The following MIER1 variants were observed in gnomAD, a reference collection of about 807,000 sequenced individuals.
The protein encoded by MIER1 is mesoderm induction early response protein 1.
Under a neutral mutation model 75.7 loss-of-function variants are expected in MIER1, and 40 were observed. The ratio of observed to expected loss-of-function variants is 0.53; its 90% CI spans 0.41 to 0.69. MIER1 has a LOEUF of 0.69. Among genes scored for constraint, MIER1 ranks in the 30% least tolerant of loss-of-function variants. The pLI is 0.00. For synonymous variants in MIER1, 213 were observed against 223.4 expected, an observed-to-expected ratio of 0.95 and a Z score of 0.42; for missense variants, 574 against 680.2, an observed-to-expected ratio of 0.84 and a Z score of 1.74.
intron 4 of MIER1, 88 bp downstream of exon 4, chr1:66,946,383 G>C (rs1394293878): frequency 6.8e-7 from 1 of 1,460,912 alleles, no homozygotes; most frequent in Non-Finnish European, 9.0e-7. Context: ...CTGATTAGGA[G>C]AGAAATTGTG....
At chr1:66,965,008 C>T (rs900806996) in intron 8 of MIER1, among the ~76,000 whole-genome samples, 149 of 152,188 alleles carry the variant, frequency 9.8e-4, no homozygotes, top group African/African-American at 3.5e-3. Context: ...CAGGCCAGTA[C>T]GGTTTTTGTG....
chr1:66,958,782 T>C, intron 5 of MIER1, 69 bp from the exon 6 acceptor site: 12 of 1,308,680 alleles, frequency 9.2e-6, no homozygotes, highest in Non-Finnish European at 1.3e-5. Context: ...ACAAAATTTA[T>C]ATGCTATGGT....
intron 2 of MIER1, among the ~76,000 whole-genome samples, chr1:66,938,072 G>T (rs972047608): frequency 2.0e-4 from 30 of 152,166 alleles, no homozygotes; most frequent in African/African-American, 3.6e-4. Context: ...CTCTGTATCA[G>T]CTATGCTTAC....
rs115288513 is a variant in MIER1 at position 66,976,888 on chromosome 1, C to G, written c.1229+166C>G. On this transcript the variant is annotated intron_variant, in intron 12 of 13. Coordinates refer to ENST00000401041, the MANE Select transcript of MIER1 (RefSeq NM_001077700.3). Reference sequence around the variant, plus strand: ...CTTTTATAATACACATTAAACTTTACCATCTATTATATCTTCATAAATAAG... The same window carrying G: ...CTTTTATAATACACATTAAACTTTAGCATCTATTATATCTTCATAAATAAG... Among the ~76,000 whole-genome samples, 971 of 152,180 alleles carry G rather than the reference C, an allele frequency of 6.4e-3. 9 individuals carry two copies. Among genetic ancestry groups the G allele is most frequent in the African/African-American group, 0.022 (905 of 41,512 alleles).
Position 66,981,817 on chromosome 1 carries a change from C to G in MIER1, c.1268C>G (p.Ala423Gly). 6.2e-7 allele frequency: 1 copy of G among 1,613,860 alleles called. No homozygotes were observed. Among genetic ancestry groups the G allele is most frequent in the Non-Finnish European group, 8.5e-7 (1 of 1,179,806 alleles). Residue 423 changes from alanine (A) to glycine (G), a missense_variant, in exon 13 of 14, where the codon GCT becomes GGT. Physicochemically the swap from Ala to Gly is moderately conservative, Grantham distance 60. Around this residue, in one of 3 missense-constraint regions of MIER1, gnomAD observed 101 missense variants for 173.1 expected, o/e 0.58. Coordinates refer to ENST00000401041, the MANE Select transcript of MIER1 (RefSeq NM_001077700.3). ...CGTCTTCTAGACGAAAGTGAAAGTG[C>G]TGCATCTAGTCGAGCACCATCCCCT... ...MDRLLDESES[A>G]ASSRAPSPPP...
chr1:66,940,270 C>CTTTTTTTTT (rs35904130), intron 3 of MIER1: 1 of 126,654 alleles, frequency 7.9e-6, no homozygotes, highest in Non-Finnish European at 1.4e-5. Flanking sequence ...TTTGGGTTTT[C>CTTTTTTTTT]TTTTTTTTTT....
chr1:66,962,456 C>T (rs1299960997), intron 7 of MIER1, among the ~76,000 whole-genome samples: 2 of 152,092 alleles, frequency 1.3e-5, no homozygotes, highest in Non-Finnish European at 2.9e-5. Flanking sequence ...GTTAAAATAC[C>T]AATGACTGAG....
chr1:66,984,112 A>C (rs1340654137), intron 13 of MIER1, among the ~76,000 whole-genome samples: 1 of 152,208 alleles, frequency 6.6e-6, no homozygotes, highest in African/African-American at 2.4e-5. Flanking sequence ...CAGTTTACTC[A>C]AGCTTTTTAA....
Position 66,976,201 on chromosome 1 carries a change from A to C in MIER1, c.1102-394A>C, listed in dbSNP as rs184815598. Reference sequence around the variant, plus strand: ...GTATTTTTAGTAGAGATGGGGTTTCACCATCTTGGCCAGGCTGGTCTTGAA... The same window carrying C: ...GTATTTTTAGTAGAGATGGGGTTTCCCCATCTTGGCCAGGCTGGTCTTGAA... On this transcript the variant is annotated intron_variant, in intron 11 of 13. Transcript: ENST00000401041. Among the ~76,000 whole-genome samples the C allele has an allele frequency of 2.3e-3, 347 of 151,856 alleles. 5 individuals are homozygous for C. Among genetic ancestry groups the C allele is most frequent in the African/African-American group, 7.9e-3 (327 of 41,392 alleles).
chr1:66,979,153 C>T (rs1210965542), intron 12 of MIER1, among the ~76,000 whole-genome samples: 2 of 151,894 alleles, frequency 1.3e-5, no homozygotes, highest in East Asian at 3.9e-4. Flanking sequence ...TACTGAGACT[C>T]TTCCCTTTTA....
At chr1:66,964,123 G>T (rs1661832147) in intron 8 of MIER1, among the ~76,000 whole-genome samples, 1 of 149,788 alleles carries the variant, frequency 6.7e-6, no homozygotes, top group African/African-American at 2.5e-5. Flanking sequence ...CCAGACTGGA[G>T]TGCAATGGCA....
At chr1:66,959,559 G>A (rs1660831388) in intron 6 of MIER1, 120 bp from the exon 7 acceptor site, 1 of 523,992 alleles carries the variant, frequency 1.9e-6, no homozygotes. Flanking sequence ...AAATATCTTG[G>A]CTTAATTCAT....
intron 2 of MIER1, among the ~76,000 whole-genome samples, chr1:66,934,996 G>A (rs1654420233): frequency 6.6e-6 from 1 of 152,112 alleles, no homozygotes; most frequent in African/African-American, 2.4e-5. Context: ...AAAAGAAATG[G>A]TGGTAGAATT....
chr1:66,957,587 GT>G (rs770503779), intron 4 of MIER1, among the ~76,000 whole-genome samples: 1,681 of 99,244 alleles, frequency 0.017, 14 homozygotes, highest in African/African-American at 0.047. Flanking sequence ...GTTTGTTTGT[GT>G]TTTTTTTTTT....
intron 4 of MIER1, among the ~76,000 whole-genome samples, chr1:66,955,341 T>G (rs1431160239): frequency 7.4e-6 from 1 of 135,904 alleles, no homozygotes; most frequent in Non-Finnish European, 1.6e-5. Context: ...CCTGAGTTTT[T>G]TTTTTTTTTT....
In MIER1 at chr1:66,958,879, A is replaced by G; in HGVS notation, c.530A>G (p.Gln177Arg). ...GAGAATATAAAGGATTCATCAGGTC[A>G]GGAGGATGAAACTCAGTCTTCCAAT... ...KEENIKDSSG[Q>R]EDETQSSNDD... Residue 177 changes from glutamine to arginine, a missense_variant, in exon 6 of 14, where the codon CAG (glutamine) becomes CGG (arginine). This residue lies in a region of MIER1 where 309 missense variants were observed against 352.8 expected (regional missense o/e 0.88). Transcript: ENST00000401041. The G allele has an allele frequency of 6.2e-7, 1 of 1,611,200 alleles. No homozygotes were observed. The highest frequency in any genetic ancestry group is 8.5e-7 in the Non-Finnish European group (1 of 1,177,590).
intron 7 of MIER1, among the ~76,000 whole-genome samples, chr1:66,962,885 C>T (rs1404779237): frequency 6.6e-6 from 1 of 152,080 alleles, no homozygotes; most frequent in African/African-American, 2.4e-5. Flanking sequence ...CGTTGCATTT[C>T]ACCTCAGTAT....
intron 11 of MIER1, among the ~76,000 whole-genome samples, chr1:66,973,739 A>G (rs1664152551): frequency 6.6e-6 from 1 of 152,168 alleles, no homozygotes; most frequent in South Asian, 2.1e-4. Flanking sequence ...GGACAGGCAG[A>G]ATTAAAGTCT....
intron 4 of MIER1, among the ~76,000 whole-genome samples, chr1:66,954,843 A>G (rs1659763002): frequency 6.6e-6 from 1 of 152,002 alleles, no homozygotes; most frequent in South Asian, 2.1e-4. Context: ...AGTAGCTGGG[A>G]CTACAGGTGT....
Sources: gnomAD v4.1 joint callset for allele counts (sites outside exome capture counted in the v4.1 genomes callset) on GRCh38, gnomAD v4.1.1 for gene constraint, gnomAD v4.1.1 regional missense constraint, MANE v1.5 for transcripts, NCBI Gene and HGNC (gene_info 2026-07-23, HGNC 2026-07-21) for gene names.